The following SPSB1 variants were observed in gnomAD, a reference collection of about 807,000 sequenced individuals.
The protein encoded by SPSB1 is splA/ryanodine receptor domain and SOCS box containing 1, also known as SPRY domain-containing SOCS box protein 1.
Under a neutral mutation model 21.2 loss-of-function variants are expected in SPSB1, and 8 were observed. The observed-to-expected ratio is 0.38, with a 90% CI of 0.22 to 0.68. The LOEUF is 0.68. Among genes scored for constraint, SPSB1 ranks in the 30% least tolerant of loss-of-function variants. The pLI is 0.53. For synonymous variants in SPSB1, 169 were observed against 161.7 expected, an observed-to-expected ratio of 1.05 and a Z score of -0.34; for missense variants, 242 against 377.8, an observed-to-expected ratio of 0.64 and a Z score of 2.98.
At chr1:9,338,775 G>A (rs746299293) in intron 1 of SPSB1, among the ~76,000 whole-genome samples, 4 of 152,190 alleles carry the variant, frequency 2.6e-5, no homozygotes, top group Non-Finnish European at 5.9e-5. Flanking sequence ...CGTGGGTGGC[G>A]TGGGCCACGA....
chr1:9,356,669 T>C lies in SPSB1; in HGVS notation c.694+84T>C, dbSNP rs1640368293. The C allele has an allele frequency of 6.0e-6, 9 of 1,508,802 alleles. No homozygotes were observed. The East Asian group carries it at 1.1e-4, about 19-fold the overall frequency. 93.5% of individuals were successfully genotyped at this position (1,508,802 alleles called of 1,614,324 possible). A position where few individuals can be genotyped will look rare whatever the true frequency, so the allele number is the denominator to read the frequency against. ...TGGGCTCAGGCCAAAAGTTGATTCATTGGAACTAGAGTGTTTTGAAGACGA... is the reference window on the plus strand; with the variant it reads ...TGGGCTCAGGCCAAAAGTTGATTCACTGGAACTAGAGTGTTTTGAAGACGA... On this transcript the variant is annotated intron_variant, in intron 2 of 2. Coordinates refer to ENST00000328089, the MANE Select transcript of SPSB1 (RefSeq NM_025106.4). The surrounding 1 kb of genome is among the most constrained non-coding windows in gnomAD (Gnocchi z 7.4).
rs1015556210 is a variant in SPSB1 at position 9,324,297 on chromosome 1, C to T, written c.-150+31226C>T. ...TGGGACTCACAGCTCTTCATGGCAT[C>T]GATGAATCGTGTCCCGATTAGCTGT... On this transcript the variant is annotated intron_variant, in intron 1 of 2. Transcript: ENST00000328089. The surrounding 1 kb of genome is among the most constrained non-coding windows in gnomAD (Gnocchi z 4.3). Among the ~76,000 whole-genome samples, 5 of 152,154 alleles carry T rather than the reference C, an allele frequency of 3.3e-5. No homozygotes were observed. The highest frequency in any genetic ancestry group is 6.5e-5 in the Admixed American group (1 of 15,278).
intron 1 of SPSB1, among the ~76,000 whole-genome samples, chr1:9,299,468 A>ATCTCTCTC (rs113928555): frequency 9.3e-5 from 14 of 150,274 alleles, no homozygotes; most frequent in South Asian, 4.2e-4. Flanking sequence ...GTGAGACGTC[A>ATCTCTCTC]TCTCTCTCTC....
chr1:9,308,167 T>C (rs537148253), intron 1 of SPSB1, among the ~76,000 whole-genome samples: 4 of 152,178 alleles, frequency 2.6e-5, no homozygotes, highest in Non-Finnish European at 4.4e-5. Flanking sequence ...CCAAAGGGGG[T>C]GGACTGCCTC....
intron 2 of SPSB1, among the ~76,000 whole-genome samples, chr1:9,366,094 G>A (rs1640567405): frequency 6.6e-6 from 1 of 152,234 alleles, no homozygotes; most frequent in Non-Finnish European, 1.5e-5. Flanking sequence ...TTTGTAGGAA[G>A]GCAAGGCTGG....
chr1:9,295,895 C>T (rs927589473), intron 1 of SPSB1, among the ~76,000 whole-genome samples: 4 of 152,150 alleles, frequency 2.6e-5, no homozygotes, highest in African/African-American at 9.7e-5. Flanking sequence ...AAAATTTTAT[C>T]AGACGACAGC....
intron 1 of SPSB1, among the ~76,000 whole-genome samples, chr1:9,344,475 G>C (rs1468582638): frequency 6.6e-6 from 1 of 152,216 alleles, no homozygotes; most frequent in African/African-American, 2.4e-5. Context: ...TGTAGGGCCA[G>C]CACCTGCCAT....
intron 1 of SPSB1, among the ~76,000 whole-genome samples, chr1:9,350,327 G>C (rs887738839): frequency 6.6e-6 from 1 of 152,230 alleles, no homozygotes; most frequent in Non-Finnish European, 1.5e-5. Context: ...GGGGCAGGAG[G>C]GGTACAGGCC....
chr1:9,363,854 C>A lies in SPSB1; in HGVS notation c.695-3594C>A, dbSNP rs1640515845. Among the ~76,000 whole-genome samples the A allele has an allele frequency of 6.6e-6, 1 of 152,170 alleles. No individual in the cohort carries two copies. Among genetic ancestry groups the A allele is most frequent in the Non-Finnish European group, 1.5e-5 (1 of 68,040 alleles). On this transcript the variant is annotated intron_variant, in intron 2 of 2. Coordinates refer to ENST00000328089, the MANE Select transcript of SPSB1 (RefSeq NM_025106.4). This position sits in a 1 kb window ranked among gnomAD's most constrained non-coding sequence, Gnocchi z 4.5. The stretch of plus-strand genomic sequence containing the variant: ...TAGCTGGGACTACAGGCATGCACGA[C>A]CACACCCAGCTAATTTTTGTATTTT...
intron 2 of SPSB1, among the ~76,000 whole-genome samples, chr1:9,359,285 G>A (rs1640426174): frequency 6.6e-6 from 1 of 152,206 alleles, no homozygotes; most frequent in Non-Finnish European, 1.5e-5. Context: ...TGGAGGGTGG[G>A]GCACTGTCAC....
In SPSB1 at chr1:9,346,766, G is replaced by A. The variant is rs1041069378; in HGVS notation, c.-149-8977G>A. Among the ~76,000 whole-genome samples, 4 of 152,208 alleles carry A rather than the reference G, an allele frequency of 2.6e-5. No individual in the cohort carries two copies. Among genetic ancestry groups the A allele is most frequent in the African/African-American group, 9.6e-5 (4 of 41,454 alleles). On this transcript the variant is annotated intron_variant, in intron 1 of 2. Transcript: ENST00000328089. The surrounding 1 kb of genome is among the most constrained non-coding windows in gnomAD (Gnocchi z 4.4). ...AACAGCCACCGGTGTTTCTGATGGG[G>A]CCACCTCACCTGGCCTTTGCCACAT...
chr1:9,320,466 C>T (rs758899224), intron 1 of SPSB1, among the ~76,000 whole-genome samples: 1 of 152,166 alleles, frequency 6.6e-6, no homozygotes, highest in Non-Finnish European at 1.5e-5. Context: ...GGAGGCCTCT[C>T]GAGGGCTGGG....
chr1:9,317,832 A>T lies in SPSB1; in HGVS notation c.-150+24761A>T, dbSNP rs950532568. On this transcript the variant is annotated intron_variant, in intron 1 of 2. Coordinates refer to ENST00000328089, the MANE Select transcript of SPSB1 (RefSeq NM_025106.4). The surrounding 1 kb of genome is among the most constrained non-coding windows in gnomAD (Gnocchi z 4.3). ...TGTAGGTGATTTCCGGTGGCGAGGGAACCAATTTTTTTTTTTTTTTTTTTG... is the reference window on the plus strand; with the variant it reads ...TGTAGGTGATTTCCGGTGGCGAGGGTACCAATTTTTTTTTTTTTTTTTTTG... Among the ~76,000 whole-genome samples, 1 of 126,272 alleles carries T rather than the reference A, an allele frequency of 7.9e-6. No homozygotes were observed. Among genetic ancestry groups the T allele is most frequent in the Non-Finnish European group, 1.6e-5 (1 of 60,988 alleles). 82.8% of individuals were successfully genotyped at this position (126,272 alleles called of 152,430 possible).
At chr1:9,353,760 T>C (rs1640314919) in intron 1 of SPSB1, among the ~76,000 whole-genome samples, 1 of 151,552 alleles carries the variant, frequency 6.6e-6, no homozygotes, top group Admixed American at 6.6e-5. Context: ...CTCTACTAAA[T>C]AGAAAAAATT....
chr1:9,338,815 G>A (rs1370090465), intron 1 of SPSB1, among the ~76,000 whole-genome samples: 3 of 152,198 alleles, frequency 2.0e-5, no homozygotes, highest in East Asian at 1.9e-4. Flanking sequence ...TCCTGGGGGC[G>A]CTCCCGCCTT....
chr1:9,355,733 C>T lies in SPSB1; in HGVS notation c.-149-10C>T, dbSNP rs1026556669. The T allele has an allele frequency of 9.7e-5, 132 of 1,364,366 alleles. No individual in the cohort carries two copies. The highest frequency in any genetic ancestry group is 1.1e-4 in the Non-Finnish European group (114 of 1,057,614). The allele number at this position is 1,364,366 out of a possible 1,614,324, so 84.5% of individuals were successfully genotyped here. ...CCTGCTCACCGGTTGTTTGTCTTTCCGTCCATTAGGCAATACTGAACACTG... is the reference window on the plus strand; with the variant it reads ...CCTGCTCACCGGTTGTTTGTCTTTCTGTCCATTAGGCAATACTGAACACTG... On this transcript the variant is annotated splice_polypyrimidine_tract_variant and intron_variant, in intron 1 of 2. Coordinates refer to ENST00000328089, the MANE Select transcript of SPSB1 (RefSeq NM_025106.4).
chr1:9,329,189 T>C (rs1639873460), intron 1 of SPSB1, among the ~76,000 whole-genome samples: 1 of 151,724 alleles, frequency 6.6e-6, no homozygotes, highest in Non-Finnish European at 1.5e-5. Flanking sequence ...GCACTGCAGG[T>C]GGTTCAGTCT....
rs1005870574 is a variant in SPSB1 at position 9,346,448 on chromosome 1, C to T, written c.-149-9295C>T. Among the ~76,000 whole-genome samples, 1 of 152,200 alleles carries T rather than the reference C, an allele frequency of 6.6e-6. No homozygotes were observed. The highest frequency in any genetic ancestry group is 1.5e-5 in the Non-Finnish European group (1 of 68,046). On this transcript the variant is annotated intron_variant, in intron 1 of 2. Transcript: ENST00000328089. The surrounding 1 kb of genome is among the most constrained non-coding windows in gnomAD (Gnocchi z 4.4). Reference sequence around the variant, plus strand: ...CTTTCTGTCTGTCTGTCCCCAGTCGCTTTGGCTACATCCCCAAAAGAGGGT... The same window carrying T: ...CTTTCTGTCTGTCTGTCCCCAGTCGTTTTGGCTACATCCCCAAAAGAGGGT...
In SPSB1 at chr1:9,323,941, C is replaced by G. The variant is rs1639769012; in HGVS notation, c.-150+30870C>G. On this transcript the variant is annotated intron_variant, in intron 1 of 2. Transcript: ENST00000328089. ...CATGGGAAATTCAGGGGGTCTTTTC[C>G]TGCAGGAAGGAGAGCCAGGGTGCAG... 1.3e-5 allele frequency among the ~76,000 whole-genome samples: 2 copies of G among 152,172 alleles called. 1 individual carries two copies. Among genetic ancestry groups the G allele is most frequent in the Non-Finnish European group, 2.9e-5 (2 of 68,034 alleles).
Sources: gnomAD v4.1 joint callset for allele counts (sites outside exome capture counted in the v4.1 genomes callset) on GRCh38, gnomAD v4.1.1 for gene constraint, Gnocchi (gnomAD v3.1) non-coding constraint, MANE v1.5 for transcripts, NCBI Gene and HGNC (gene_info 2026-07-23, HGNC 2026-07-21) for gene names.